Variants in NMNAT2 observed in about 807,000 individuals in gnomAD.
The protein encoded by NMNAT2 is nicotinamide nucleotide adenylyltransferase 2, also known as nicotinamide/nicotinic acid mononucleotide adenylyltransferase 2.
In NMNAT2, 11 loss-of-function variants were observed where a neutral mutation model predicts 41.6. The ratio of observed to expected loss-of-function variants is 0.26; its 90% CI spans 0.17 to 0.44. NMNAT2 has a LOEUF of 0.44. NMNAT2 is among the 20% of genes least tolerant of loss of function. The probability of loss-of-function intolerance (pLI) is 1.00; values close to 1 mark genes in which losing one functional copy is unlikely to be tolerated. For missense variants in NMNAT2, 288 were observed against 407.7 expected (o/e 0.71, Z 2.53); for synonymous variants, 148 against 151.2 (o/e 0.98, Z 0.16).
intron 1 of NMNAT2, among the ~76,000 whole-genome samples, chr1:183,389,779 A>G (rs542396547): frequency 1.6e-5 from 1 of 63,092 alleles, no homozygotes; most frequent in Non-Finnish European, 3.3e-5. Context: ...AAAGAAAGAA[A>G]GAAAGAAAGA....
chr1:183,402,696 T>G (rs1648844774), intron 1 of NMNAT2, among the ~76,000 whole-genome samples: 1 of 152,140 alleles, frequency 6.6e-6, no homozygotes, highest in Non-Finnish European at 1.5e-5. Flanking sequence ...CCAAAAAAAA[T>G]TTTCAGGATG....
At chr1:183,351,651 G>A (rs1319800695) in intron 1 of NMNAT2, among the ~76,000 whole-genome samples, 1 of 152,170 alleles carries the variant, frequency 6.6e-6, no homozygotes, top group Non-Finnish European at 1.5e-5. Context: ...TGAAAGGACT[G>A]AACCTCTAGA....
intron 1 of NMNAT2, among the ~76,000 whole-genome samples, chr1:183,365,600 T>C (rs1024021279): frequency 4.6e-5 from 7 of 151,826 alleles, no homozygotes; most frequent in African/African-American, 1.7e-4. Flanking sequence ...CTACTAAAAA[T>C]ACAAAAAATT....
At chr1:183,359,077 A>T (rs956071315) in intron 1 of NMNAT2, among the ~76,000 whole-genome samples, 2 of 151,468 alleles carry the variant, frequency 1.3e-5, no homozygotes, top group African/African-American at 4.9e-5. Flanking sequence ...TTCTATCTTG[A>T]CTTTTTTTTT....
At chr1:183,268,784 G>A (rs1376374440) in intron 8 of NMNAT2, among the ~76,000 whole-genome samples, 1 of 152,222 alleles carries the variant, frequency 6.6e-6, no homozygotes, top group African/African-American at 2.4e-5. Flanking sequence ...TCTCACACCT[G>A]TAATCCCAGC....
At chr1:183,360,947 T>A (rs1239719374) in intron 1 of NMNAT2, among the ~76,000 whole-genome samples, 1 of 152,210 alleles carries the variant, frequency 6.6e-6, no homozygotes, top group Admixed American at 6.5e-5. Flanking sequence ...CCTTCTTTAT[T>A]TACCCTAGCT....
intron 1 of NMNAT2, among the ~76,000 whole-genome samples, chr1:183,394,769 C>T (rs1648585816): frequency 6.6e-6 from 1 of 152,210 alleles, no homozygotes; most frequent in South Asian, 2.1e-4. Context: ...CAATGAGGTC[C>T]TCTGCCCAGC....
chr1:183,341,748 C>A (rs2811556), intron 1 of NMNAT2, among the ~76,000 whole-genome samples: 50,137 of 78,688 alleles, frequency 0.64, 17,290 homozygotes, highest in East Asian at 0.87. Flanking sequence ...AAAAAAAAAA[C>A]CTGTTTCCTT....
At chr1:183,352,966 G>A (rs1012561014) in intron 1 of NMNAT2, among the ~76,000 whole-genome samples, 3 of 152,210 alleles carry the variant, frequency 2.0e-5, no homozygotes, top group Non-Finnish European at 4.4e-5. Context: ...GGAATATGAA[G>A]AGGGGGTCAG....
At chr1:183,376,350 G>T (rs1249128338) in intron 1 of NMNAT2, among the ~76,000 whole-genome samples, 1 of 152,188 alleles carries the variant, frequency 6.6e-6, no homozygotes, top group African/African-American at 2.4e-5. Context: ...AGAGCTATGT[G>T]AAAAAACAGC....
chr1:183,349,604 G>T lies in NMNAT2; in HGVS notation c.86-55811C>A, dbSNP rs1023326721. Among the ~76,000 whole-genome samples the T allele has an allele frequency of 3.3e-5, 5 of 152,238 alleles. 1 individual carries two copies. Among genetic ancestry groups the T allele is most frequent in the African/African-American group, 1.2e-4 (5 of 41,464 alleles). On this transcript the variant is annotated intron_variant, in intron 1 of 10. Transcript: ENST00000287713. Reference sequence around the variant, plus strand: ...AAGAGCTGCGTCTTTGCATGTTTGTGTCTAGTGCTGAGTGTGCTGTTGGCA... The same window carrying T: ...AAGAGCTGCGTCTTTGCATGTTTGTTTCTAGTGCTGAGTGTGCTGTTGGCA...
At chr1:183,292,703 A>G (rs913636822) in intron 3 of NMNAT2, 87 bp downstream of exon 3, 4 of 1,269,470 alleles carry the variant, frequency 3.2e-6, no homozygotes, top group Non-Finnish European at 3.4e-6. Context: ...CAGGATCCAA[A>G]TTACTGCTGG....
chr1:183,388,608 G>C (rs1244036823), intron 1 of NMNAT2, among the ~76,000 whole-genome samples: 1 of 152,192 alleles, frequency 6.6e-6, no homozygotes, highest in African/African-American at 2.4e-5. Context: ...GCAACCACTA[G>C]TCCTCAGTTC....
intron 10 of NMNAT2, among the ~76,000 whole-genome samples, chr1:183,257,171 A>G (rs1165449479): frequency 6.6e-6 from 1 of 150,464 alleles, no homozygotes; most frequent in Non-Finnish European, 1.5e-5. Flanking sequence ...GGCCAGGCGT[A>G]GTGGTTCATG....
intron 9 of NMNAT2, 41 bp downstream of exon 9, chr1:183,261,161 A>AG: frequency 6.2e-7 from 1 of 1,605,974 alleles, no homozygotes. Context: ...CTCTCAGAGA[A>AG]GGGCCATAAC....
intron 10 of NMNAT2, among the ~76,000 whole-genome samples, chr1:183,260,689 T>A (rs1660633616): frequency 1.3e-5 from 2 of 151,978 alleles, no homozygotes; most frequent in Non-Finnish European, 2.9e-5. Context: ...CATAGTAGCA[T>A]GTGCCTATAA....
rs1225609258 is a variant in NMNAT2 at position 183,323,446 on chromosome 1, A to T, written c.86-29653T>A. ...CACTGCCACCACCATACTTCAAGTG[A>T]CCCTATGTCTTGTTTGGGCAACCAA... On this transcript the variant is annotated intron_variant, in intron 1 of 10. Transcript: ENST00000287713. Among the ~76,000 whole-genome samples the T allele has an allele frequency of 2.6e-5, 4 of 152,156 alleles. No homozygotes were observed. In the East Asian group the frequency reaches 7.7e-4, roughly 29 times the overall value.
At chr1:183,296,016 T>G (rs1661684269) in intron 1 of NMNAT2, among the ~76,000 whole-genome samples, 1 of 152,032 alleles carries the variant, frequency 6.6e-6, no homozygotes, top group Non-Finnish European at 1.5e-5. Flanking sequence ...GCCCAGCTAA[T>G]TTTTTGTATT....
chr1:183,305,127 A>G (rs955440112), intron 1 of NMNAT2, among the ~76,000 whole-genome samples: 1 of 123,242 alleles, frequency 8.1e-6, no homozygotes, highest in African/African-American at 3.1e-5. Context: ...TTTGGTATTT[A>G]TTTCTTCAGA....
Sources: gnomAD v4.1 joint callset for allele counts (sites outside exome capture counted in the v4.1 genomes callset) on GRCh38, gnomAD v4.1.1 for gene constraint, MANE v1.5 for transcripts, NCBI Gene and HGNC (gene_info 2026-07-23, HGNC 2026-07-21) for gene names.